Variants in ARID1B observed in about 807,000 individuals in gnomAD.
ARID1B encodes AT-rich interactive domain-containing protein 1B.
Under a neutral mutation model 212.3 loss-of-function variants are expected in ARID1B, and 30 were observed. That is an observed-to-expected ratio of 0.14 (90% CI 0.11 to 0.19). The LOEUF is 0.19. Among genes scored for constraint, ARID1B ranks in the 10% least tolerant of loss-of-function variants. The probability of loss-of-function intolerance (pLI) is 1.00; values close to 1 mark genes in which losing one functional copy is unlikely to be tolerated. For missense variants in ARID1B, 2,891 were observed against 3,204.0 expected (o/e 0.90, Z 2.36); for synonymous variants, 1,402 against 1,301.7 (o/e 1.08, Z -1.66).
At chr6:157,012,902 G>T (rs1779698510) in intron 4 of ARID1B, among the ~76,000 whole-genome samples, 1 of 151,872 alleles carries the variant, frequency 6.6e-6, no homozygotes, top group Admixed American at 6.6e-5. Flanking sequence ...TTTTTGAAAT[G>T]AAGTTTCGCT....
rs113308320 is a variant in ARID1B, at chr6:156,866,490, T to C, written c.1987-34886T>C. ...TCCATCTGTTTCTAGCTTCCAAAAT[T>C]TTTGGCTGTTTTTGTTCCTCTTCTT... is the stretch of plus-strand genomic sequence containing the variant. On this transcript the variant is annotated intron_variant, in intron 2 of 19. Coordinates refer to ENST00000636930, the MANE Select transcript of ARID1B (RefSeq NM_001374828.1). Among the ~76,000 whole-genome samples, 290 of 152,308 alleles carry C rather than the reference T, an allele frequency of 1.9e-3. 2 individuals carry two copies. The highest frequency in any genetic ancestry group is 6.6e-3 in the African/African-American group (276 of 41,584).
intron 1 of ARID1B, among the ~76,000 whole-genome samples, chr6:156,792,562 A>G (rs927711845): frequency 6.6e-6 from 1 of 152,238 alleles, no homozygotes; most frequent in Non-Finnish European, 1.5e-5. Context: ...AAAATTCAGT[A>G]TAAATAATAG....
intron 1 of ARID1B, among the ~76,000 whole-genome samples, chr6:156,807,358 T>C (rs1323956289): frequency 2.6e-5 from 4 of 152,034 alleles, no homozygotes; most frequent in African/African-American, 9.7e-5. Context: ...TGGTTTTTAC[T>C]GCCCGCCATC....
At chr6:156,991,300 G>A (rs973538438) in intron 4 of ARID1B, among the ~76,000 whole-genome samples, 12 of 152,070 alleles carry the variant, frequency 7.9e-5, no homozygotes, top group South Asian at 4.1e-4. Context: ...GTGCGATCTC[G>A]GCTCACTGCA....
At chr6:156,824,864 T>C (rs1392460473) in intron 1 of ARID1B, among the ~76,000 whole-genome samples, 1 of 146,186 alleles carries the variant, frequency 6.8e-6, no homozygotes, top group Admixed American at 6.9e-5. Context: ...TTAGATTTGA[T>C]TTTTTTTTTT....
intron 2 of ARID1B, among the ~76,000 whole-genome samples, chr6:156,897,255 C>CTTATTATTATTATTATTA (rs1367763317): frequency 9.5e-4 from 86 of 90,166 alleles, no homozygotes; most frequent in Non-Finnish European, 1.6e-3. Context: ...TCTTCTTCTT[C>CTTATTATTATTATTATTA]TTCTTCTTCT....
chr6:157,172,272 C>T (rs1052525080), intron 9 of ARID1B, among the ~76,000 whole-genome samples: 9 of 152,116 alleles, frequency 5.9e-5, no homozygotes, highest in African/African-American at 1.7e-4. Context: ...GCGGTCTTCG[C>T]GGTGTAATAT....
At chr6:157,087,813 A>AG (rs1050089979) in intron 5 of ARID1B, among the ~76,000 whole-genome samples, 3 of 151,902 alleles carry the variant, frequency 2.0e-5, no homozygotes, top group Non-Finnish European at 4.4e-5. Flanking sequence ...GAAAAAAAAA[A>AG]AAAGTCCACG....
intron 5 of ARID1B, among the ~76,000 whole-genome samples, chr6:157,108,928 C>T (rs555629704): frequency 1.3e-5 from 2 of 152,290 alleles, no homozygotes; most frequent in South Asian, 4.1e-4. Flanking sequence ...GTTACACACT[C>T]AGGAACACTC....
chr6:156,780,567 CT>C (rs1400511756), intron 1 of ARID1B: 3 of 152,214 alleles, frequency 2.0e-5, no homozygotes, highest in Non-Finnish European at 4.4e-5. Flanking sequence ...TGGCTCCCCT[CT>C]CACCATTGGG....
intron 1 of ARID1B, among the ~76,000 whole-genome samples, chr6:156,804,867 C>CAAAAAAAAA (rs61315445): frequency 2.4e-5 from 2 of 85,084 alleles, no homozygotes; most frequent in African/African-American, 4.3e-5. Context: ...ATCTGATTGG[C>CAAAAAAAAA]AAAAAAAAAA....
intron 3 of ARID1B, among the ~76,000 whole-genome samples, chr6:156,933,396 C>T (rs1177732299): frequency 6.6e-6 from 1 of 152,194 alleles, no homozygotes; most frequent in Non-Finnish European, 1.5e-5. Flanking sequence ...GCCTTGTGCC[C>T]TGCTTGATTT....
Position 157,207,312 on chromosome 6 carries a change from G to T in ARID1B, c.6540G>T (p.Val2180=), listed in dbSNP as rs770779367. The T allele has an allele frequency of 1.2e-6, 2 of 1,613,970 alleles. No homozygotes were observed. Among genetic ancestry groups the T allele is most frequent in the Admixed American group, 1.7e-5 (1 of 60,028 alleles). The change falls in exon 20 of 20, where the codon GTG becomes GTT. Residue 2180 remains valine, a synonymous_variant. Coordinates refer to ENST00000636930, the MANE Select transcript of ARID1B (RefSeq NM_001374828.1). This position sits in a 1 kb window ranked among gnomAD's most constrained non-coding sequence, Gnocchi z 8.5. ...TGGATGGCTTGCTGCACTGGATGGTGTGCCCGTCTGCAGAGGCACAAGATC... is the reference window on the plus strand; with the variant it reads ...TGGATGGCTTGCTGCACTGGATGGTTTGCCCGTCTGCAGAGGCACAAGATC... The part of the protein sequence containing the change: ...PILDGLLHWM[V]CPSAEAQDPF...
chr6:156,786,655 T>G (rs1345846926), intron 1 of ARID1B, among the ~76,000 whole-genome samples: 1 of 152,204 alleles, frequency 6.6e-6, no homozygotes, highest in Non-Finnish European at 1.5e-5. Flanking sequence ...GGTGTAAACA[T>G]TTAGCATTTG....
intron 1 of ARID1B, among the ~76,000 whole-genome samples, chr6:156,796,068 T>C (rs958729529): frequency 5.3e-5 from 8 of 152,176 alleles, no homozygotes; most frequent in African/African-American, 1.9e-4. Context: ...GCGTGTGTGC[T>C]CCTCATCTGC....
In ARID1B at chr6:157,193,169, T is replaced by C. The variant is rs113530528; in HGVS notation, c.4231+2959T>C. Among the ~76,000 whole-genome samples, 694 of 152,338 alleles carry C rather than the reference T, an allele frequency of 4.6e-3. 5 individuals are homozygous for C. Among genetic ancestry groups the C allele is most frequent in the African/African-American group, 0.016 (668 of 41,570 alleles). On this transcript the variant is annotated intron_variant, in intron 15 of 19. Transcript: ENST00000636930. Reference sequence around the variant, plus strand: ...AGTATATATCGAATTTATATTATTATCTGTACACATAGCTCTACTTTTTTT... The same window carrying C: ...AGTATATATCGAATTTATATTATTACCTGTACACATAGCTCTACTTTTTTT...
intron 5 of ARID1B, among the ~76,000 whole-genome samples, chr6:157,085,120 G>T (rs934273617): frequency 2.6e-5 from 4 of 152,068 alleles, no homozygotes; most frequent in Non-Finnish European, 5.9e-5. Flanking sequence ...CAATTACTTT[G>T]ATAATTTCAA....
At chr6:157,187,542 G>C (rs780383527) in intron 13 of ARID1B, among the ~76,000 whole-genome samples, 2 of 152,158 alleles carry the variant, frequency 1.3e-5, no homozygotes, top group Non-Finnish European at 2.9e-5. Flanking sequence ...AGGGCACCAG[G>C]TTCGTGCCGG....
chr6:156,952,839 T>C (rs1200320529), intron 4 of ARID1B, among the ~76,000 whole-genome samples: 1 of 152,248 alleles, frequency 6.6e-6, no homozygotes. Context: ...TACATCTGTG[T>C]GTTTGCTGGC....
Sources: gnomAD v4.1 joint callset for allele counts (sites outside exome capture counted in the v4.1 genomes callset) on GRCh38, gnomAD v4.1.1 for gene constraint, Gnocchi (gnomAD v3.1) non-coding constraint, MANE v1.5 for transcripts, NCBI Gene and HGNC (gene_info 2026-07-23, HGNC 2026-07-21) for gene names.